DZIP3: variants seen among roughly 807,000 people sequenced by gnomAD.
The protein encoded by DZIP3 is DAZ interacting zinc finger protein 3.
DZIP3 carries 118 observed loss-of-function variants against 162.0 expected under a neutral mutation model. The observed-to-expected ratio is 0.73, with a 90% confidence interval of 0.63 to 0.85. The LOEUF is 0.85. Among genes scored for constraint, DZIP3 ranks in the 40% least tolerant of loss-of-function variants. The pLI, the probability that DZIP3 is intolerant of heterozygous loss-of-function variation, is 0.00. For missense variants in DZIP3, 1,331 were observed against 1,407.0 expected, an observed-to-expected ratio of 0.95 and a Z score of 0.86; for synonymous variants, 438 against 458.6, an observed-to-expected ratio of 0.96 and a Z score of 0.57.
intron 5 of DZIP3, among the ~76,000 whole-genome samples, chr3:108,618,709 G>T (rs1941153964): frequency 6.6e-6 from 1 of 152,146 alleles, no homozygotes; most frequent in Non-Finnish European, 1.5e-5. Flanking sequence ...TCTCCTCAAT[G>T]AATACTGTTG....
chr3:108,669,802 T>C, intron 22 of DZIP3, 53 bp downstream of exon 22: 1 of 1,390,938 alleles, frequency 7.2e-7, no homozygotes, highest in Non-Finnish European at 1.0e-6. Context: ...TGTATTTCAC[T>C]CAACACTTTC....
chr3:108,636,989 C>T (rs1160760339), intron 11 of DZIP3, among the ~76,000 whole-genome samples: 3 of 151,938 alleles, frequency 2.0e-5, no homozygotes, highest in African/African-American at 4.8e-5. Flanking sequence ...ATATCGTGAA[C>T]TAAGGATAAT....
chr3:108,632,870 A>G (rs1176608617), intron 8 of DZIP3, 83 bp from the exon 9 acceptor site: 1 of 781,214 alleles, frequency 1.3e-6, no homozygotes, highest in African/African-American at 1.8e-5. Context: ...ACATATTACC[A>G]AGGTAAAACA....
chr3:108,670,760 A>G (rs545216603), intron 22 of DZIP3, among the ~76,000 whole-genome samples: 2 of 151,852 alleles, frequency 1.3e-5, no homozygotes, highest in Admixed American at 6.6e-5. Context: ...GAGGGTTTCA[A>G]TTTCTCCACA....
intron 32 of DZIP3, among the ~76,000 whole-genome samples, chr3:108,692,294 G>A (rs1019120692): frequency 9.9e-5 from 15 of 152,014 alleles, no homozygotes; most frequent in African/African-American, 2.7e-4. Flanking sequence ...TCCAGTCCTG[G>A]GAGATGATCA....
chr3:108,687,040 A>G (rs1246811604), intron 28 of DZIP3, among the ~76,000 whole-genome samples: 1 of 152,174 alleles, frequency 6.6e-6, no homozygotes, highest in East Asian at 1.9e-4. Context: ...GCAAGAAATC[A>G]TAACTTTACT....
intron 17 of DZIP3, 92 bp downstream of exon 17, chr3:108,649,054 A>T (rs1942753804): frequency 4.1e-6 from 3 of 728,476 alleles, no homozygotes; most frequent in South Asian, 4.1e-5. Flanking sequence ...GTTCAAGTAG[A>T]CATATAGCAC....
chr3:108,669,553 C>A, intron 21 of DZIP3, 128 bp from the exon 22 acceptor site: 2 of 713,072 alleles, frequency 2.8e-6, no homozygotes, highest in Non-Finnish European at 4.6e-6. Flanking sequence ...CAGTTGTATT[C>A]AGGCTCAAGA....
At chr3:108,651,696 C>A (rs1180567047) in intron 18 of DZIP3, among the ~76,000 whole-genome samples, 3 of 151,478 alleles carry the variant, frequency 2.0e-5, no homozygotes, top group Non-Finnish European at 4.4e-5. Flanking sequence ...GAATTTTGAA[C>A]CTTTAATGGA....
At chr3:108,631,380 T>C (rs973133505) in intron 8 of DZIP3, among the ~76,000 whole-genome samples, 13 of 151,784 alleles carry the variant, frequency 8.6e-5, no homozygotes, top group South Asian at 6.2e-4. Context: ...GAGGATAGAA[T>C]AATTTTTCTT....
chr3:108,635,914 C>G (rs899725379), intron 10 of DZIP3, among the ~76,000 whole-genome samples: 1 of 151,578 alleles, frequency 6.6e-6, no homozygotes, highest in Admixed American at 6.6e-5. Context: ...GTTGGGAGAT[C>G]TGGGTTCAAG....
chr3:108,637,969 TAG>T (rs1276536742), intron 12 of DZIP3, among the ~76,000 whole-genome samples: 2 of 152,194 alleles, frequency 1.3e-5, no homozygotes, highest in African/African-American at 2.4e-5. Flanking sequence ...AGCGGTATTA[TAG>T]AGTGTTGCTA....
At chr3:108,622,352 T>G (rs538268811) in intron 5 of DZIP3, among the ~76,000 whole-genome samples, 80 of 152,350 alleles carry the variant, frequency 5.3e-4, no homozygotes, top group African/African-American at 1.9e-3. Flanking sequence ...TCAATTTATC[T>G]GATAGGATTC....
At chr3:108,656,022 A>G (rs1393462084) in intron 19 of DZIP3, among the ~76,000 whole-genome samples, 3 of 152,224 alleles carry the variant, frequency 2.0e-5, no homozygotes, top group Admixed American at 1.3e-4. Context: ...GGAACCCACC[A>G]CAGCTCAAGG....
At position 108,686,860 on chromosome 3, in the gene DZIP3, T is replaced by G. The variant is rs551623217; in HGVS notation, c.3149+276T>G. 2.0e-5 allele frequency among the ~76,000 whole-genome samples: 3 copies of G among 152,294 alleles called. No individual in the cohort carries two copies. In the South Asian group the frequency reaches 6.2e-4, roughly 32 times the overall value. On this transcript the variant is annotated intron_variant, in intron 28 of 32. Coordinates refer to ENST00000361582, the MANE Select transcript of DZIP3 (RefSeq NM_014648.4). ...ACTAAAAGTACAACTAGATGTAAAC[T>G]TACCCAATTTTAATGGCACTAACTG...
At chr3:108,598,682 T>C (rs960765568) in intron 1 of DZIP3, among the ~76,000 whole-genome samples, 9 of 152,186 alleles carry the variant, frequency 5.9e-5, no homozygotes, top group Admixed American at 3.9e-4. Context: ...TTGATTACCA[T>C]CTCTGCGTGC....
intron 3 of DZIP3, among the ~76,000 whole-genome samples, chr3:108,610,265 A>G (rs1466538826): frequency 6.6e-6 from 1 of 152,224 alleles, no homozygotes; most frequent in Non-Finnish European, 1.5e-5. Flanking sequence ...AACCTCCTAC[A>G]AGTGGATACC....
At chr3:108,645,283 TA>T (rs1230202079) in intron 14 of DZIP3, among the ~76,000 whole-genome samples, 1 of 152,160 alleles carries the variant, frequency 6.6e-6, no homozygotes, top group African/African-American at 2.4e-5. Flanking sequence ...TCTCCAAAAT[TA>T]ATAAAGTTTA....
intron 19 of DZIP3, among the ~76,000 whole-genome samples, chr3:108,656,736 A>G (rs1396502195): frequency 6.6e-6 from 1 of 151,980 alleles, no homozygotes; most frequent in Non-Finnish European, 1.5e-5. Context: ...GAAATTAAAA[A>G]CCTTGAAAAA....
Sources: allele counts gnomAD v4.1 joint callset (sites outside exome capture counted in the v4.1 genomes callset), GRCh38; gene constraint gnomAD v4.1.1; transcripts MANE v1.5; gene names NCBI Gene and HGNC (gene_info 2026-07-23, HGNC 2026-07-21).